Variants in TMTC2 observed in about 807,000 individuals in gnomAD.
TMTC2 encodes the protein transmembrane O-mannosyltransferase targeting cadherins 2.
In TMTC2, 43 loss-of-function variants were observed where a neutral mutation model predicts 82.4. The ratio of observed to expected loss-of-function variants is 0.52; its 90% CI spans 0.41 to 0.67. TMTC2 has a LOEUF of 0.67. Ranked by LOEUF, TMTC2 falls within the 30% of genes least tolerant of loss-of-function variation. The pLI, the probability that TMTC2 is intolerant of heterozygous loss-of-function variation, is 0.00. For synonymous variants in TMTC2, 408 were observed against 381.9 expected, an observed-to-expected ratio of 1.07 and a Z score of -0.80; for missense variants, 919 against 1,012.4, an observed-to-expected ratio of 0.91 and a Z score of 1.25.
chr12:83,054,502 A>T (rs1436544804), intron 10 of TMTC2, among the ~76,000 whole-genome samples: 1 of 151,808 alleles, frequency 6.6e-6, no homozygotes, highest in East Asian at 1.9e-4. Flanking sequence ...GGGAACTCAC[A>T]TGCATAATTA....
At chr12:82,805,664 C>A (rs112365228) in intron 1 of TMTC2, among the ~76,000 whole-genome samples, 1 of 151,670 alleles carries the variant, frequency 6.6e-6, no homozygotes, top group Non-Finnish European at 1.5e-5. Context: ...CCTGGCACCA[C>A]GCCCGGCTTT....
At chr12:83,090,606 G>T (rs1883808540) in intron 11 of TMTC2, among the ~76,000 whole-genome samples, 1 of 152,014 alleles carries the variant, frequency 6.6e-6, no homozygotes, top group African/African-American at 2.4e-5. Context: ...ATTTTGCTAG[G>T]CACTCTACCT....
intron 11 of TMTC2, among the ~76,000 whole-genome samples, chr12:83,072,304 C>T (rs1323177187): frequency 6.6e-6 from 1 of 152,090 alleles, no homozygotes; most frequent in Admixed American, 6.6e-5. Context: ...TCTATATTTG[C>T]ATGGTTCTGA....
intron 11 of TMTC2, among the ~76,000 whole-genome samples, chr12:83,115,635 CTTTT>C (rs1229081143): frequency 8.7e-6 from 1 of 115,172 alleles, no homozygotes; most frequent in Non-Finnish European, 1.7e-5. Context: ...CTAGGTTTTC[CTTTT>C]TTTTATTATT....
At chr12:82,781,355 G>A (rs536078006) in intron 1 of TMTC2, among the ~76,000 whole-genome samples, 22 of 151,068 alleles carry the variant, frequency 1.5e-4, no homozygotes, top group Non-Finnish European at 3.2e-4. Context: ...TTAAGAAAAG[G>A]GTTCTTTGTC....
At chr12:82,702,218 C>A (rs1031484595) in intron 1 of TMTC2, among the ~76,000 whole-genome samples, 1 of 152,164 alleles carries the variant, frequency 6.6e-6, no homozygotes. Flanking sequence ...ACCATATCAA[C>A]CAAAGATATT....
intron 9 of TMTC2, among the ~76,000 whole-genome samples, chr12:83,037,763 AAAATGGGAACAGG>A (rs1164364693): frequency 6.6e-6 from 1 of 152,136 alleles, no homozygotes; most frequent in Non-Finnish European, 1.5e-5. Flanking sequence ...TCCCATAACT[AAAATGGGAACAGG>A]AAATGGTTTT....
intron 1 of TMTC2, among the ~76,000 whole-genome samples, chr12:82,812,787 A>T (rs1868472609): frequency 6.6e-6 from 1 of 151,984 alleles, no homozygotes; most frequent in Non-Finnish European, 1.5e-5. Context: ...ATAGAAAAAT[A>T]TTGATAATTA....
chr12:82,947,077 G>C (rs1877050134), intron 4 of TMTC2, among the ~76,000 whole-genome samples: 1 of 152,016 alleles, frequency 6.6e-6, no homozygotes, highest in African/African-American at 2.4e-5. Flanking sequence ...GAAATTTCTG[G>C]TTAGAACAAT....
intron 1 of TMTC2, among the ~76,000 whole-genome samples, chr12:82,720,285 T>G (rs1275329799): frequency 1.3e-5 from 2 of 152,180 alleles, no homozygotes; most frequent in Non-Finnish European, 2.9e-5. Context: ...TAAGTTTGCA[T>G]GTTTTAGAAT....
chr12:82,850,767 A>G (rs1870932513), intron 1 of TMTC2, among the ~76,000 whole-genome samples: 1 of 152,138 alleles, frequency 6.6e-6, no homozygotes, highest in African/African-American at 2.4e-5. Flanking sequence ...TATAAACATG[A>G]TGAAAATAAC....
At chr12:82,986,366 C>T (rs1879154405) in intron 8 of TMTC2, 10 of 214,320 alleles carry the variant, frequency 4.7e-5, no homozygotes, top group Admixed American at 3.7e-4. Context: ...TCCTGTATCC[C>T]ATAAATATAT....
chr12:82,865,351 G>A (rs745810520), intron 2 of TMTC2, among the ~76,000 whole-genome samples: 19 of 152,056 alleles, frequency 1.2e-4, no homozygotes, highest in Non-Finnish European at 2.4e-4. Flanking sequence ...AAATGACAGG[G>A]GTTGCAATCC....
intron 1 of TMTC2, among the ~76,000 whole-genome samples, chr12:82,785,284 A>G (rs1289415375): frequency 6.6e-6 from 1 of 151,766 alleles, no homozygotes; most frequent in Non-Finnish European, 1.5e-5. Flanking sequence ...TCCCTACCCT[A>G]TGCTGAATCC....
At chr12:82,761,240 A>T (rs1486228251) in intron 1 of TMTC2, among the ~76,000 whole-genome samples, 1 of 152,178 alleles carries the variant, frequency 6.6e-6, no homozygotes, top group Non-Finnish European at 1.5e-5. Context: ...ACAACAAAGT[A>T]CCTTTTTCAT....
chr12:82,843,806 G>A (rs1435860118), intron 1 of TMTC2, among the ~76,000 whole-genome samples: 1 of 152,046 alleles, frequency 6.6e-6, no homozygotes, highest in African/African-American at 2.4e-5. Context: ...AAATTAGACG[G>A]GTCTGGTGGC....
At chr12:82,929,823 G>T (rs754926717) in intron 3 of TMTC2, among the ~76,000 whole-genome samples, 11 of 152,124 alleles carry the variant, frequency 7.2e-5, no homozygotes, top group Non-Finnish European at 1.5e-4. Context: ...AGGGTACACA[G>T]AAAATATATT....
chr12:82,863,063 G>A (rs1871629741), intron 2 of TMTC2, among the ~76,000 whole-genome samples: 2 of 152,100 alleles, frequency 1.3e-5, no homozygotes, highest in Admixed American at 1.3e-4. Context: ...TGCTTTTTCC[G>A]TTAGTTGCTG....
intron 1 of TMTC2, among the ~76,000 whole-genome samples, chr12:82,810,487 A>G (rs981821133): frequency 5.3e-5 from 8 of 151,890 alleles, no homozygotes; most frequent in Non-Finnish European, 7.4e-5. Context: ...AAACAAAACA[A>G]ACATTTTACT....
Sources: allele counts gnomAD v4.1 joint callset (sites outside exome capture counted in the v4.1 genomes callset), GRCh38; gene constraint gnomAD v4.1.1; transcripts MANE v1.5; gene names NCBI Gene and HGNC (gene_info 2026-07-23, HGNC 2026-07-21).